The following METTL5 variants were observed in gnomAD, a reference collection of about 807,000 sequenced individuals.
METTL5 encodes the protein rRNA N(6)-adenosine-methyltransferase METTL5.
A neutral mutation model predicts 26.5 loss-of-function variants in METTL5; 28 were observed. That is an observed-to-expected ratio of 1.06 (90% CI 0.78 to 1.45). The LOEUF (loss-of-function observed/expected upper bound fraction) is 1.45. METTL5 is among the 40% of genes most tolerant of loss of function. The pLI is 0.00. For missense variants in METTL5, 231 were observed against 249.9 expected, an observed-to-expected ratio of 0.92 and a Z score of 0.51; for synonymous variants, 86 against 82.6, an observed-to-expected ratio of 1.04 and a Z score of -0.22.
chr2:169,812,258 G>A (rs1010622255), intron 6 of METTL5, 199 bp downstream of exon 6: 3 of 768,932 alleles, frequency 3.9e-6, no homozygotes, highest in South Asian at 3.6e-5. Flanking sequence ...TTTCTTTTTC[G>A]AGACTGAGTC....
At chr2:169,818,816 T>C (rs1266470036) in intron 4 of METTL5, among the ~76,000 whole-genome samples, 1 of 152,180 alleles carries the variant, frequency 6.6e-6, no homozygotes, top group African/African-American at 2.4e-5. Flanking sequence ...GCTTTGTAAA[T>C]ATTAACTCAT....
At chr2:169,820,946 C>T in intron 3 of METTL5, 146 bp downstream of exon 3, 1 of 588,766 alleles carries the variant, frequency 1.7e-6, no homozygotes, top group Non-Finnish European at 2.9e-6. Flanking sequence ...CCCGGGATGG[C>T]TACCAATTCC....
intron 5 of METTL5, among the ~76,000 whole-genome samples, chr2:169,814,829 C>T (rs1317442238): frequency 1.3e-5 from 2 of 151,936 alleles, no homozygotes; most frequent in Non-Finnish European, 2.9e-5. Context: ...CCTGCCTCAG[C>T]CTCCCAAAGT....
chr2:169,816,916 A>G (rs1289169065), intron 4 of METTL5, among the ~76,000 whole-genome samples: 1 of 152,264 alleles, frequency 6.6e-6, no homozygotes, highest in African/African-American at 2.4e-5. Context: ...AAGCAATGGC[A>G]ACAAAGCCAA....
chr2:169,824,469 T>C lies in METTL5; in HGVS notation c.109+20A>G. On this transcript the variant is annotated intron_variant, in intron 1 of 6. Transcript: ENST00000260953. ...TGGACTAACGCCGAAAGCCGGGGCG[T>C]GGTGAACCAGCCGCCCTACCTGCAA... 2 of 1,567,984 alleles carry C rather than the reference T, an allele frequency of 1.3e-6. No homozygotes were observed. Among genetic ancestry groups the C allele is most frequent in the Non-Finnish European group, 1.8e-6 (2 of 1,138,012 alleles).
intron 5 of METTL5, among the ~76,000 whole-genome samples, 193 bp downstream of exon 5, chr2:169,815,284 G>C (rs988954214): frequency 1.1e-4 from 16 of 152,198 alleles, no homozygotes; most frequent in African/African-American, 3.9e-4. Context: ...GAAATTTTCA[G>C]TAAATCGCAT....
chr2:169,824,241 A>G (rs3769768), intron 1 of METTL5: 61,872 of 383,554 alleles, frequency 0.16, 5,678 homozygotes, highest in Admixed American at 0.27. Flanking sequence ...AGAGAAAAAA[A>G]CACATTAAAA....
intron 6 of METTL5, 25 bp downstream of exon 6, chr2:169,812,432 G>T: frequency 6.2e-7 from 1 of 1,613,828 alleles, no homozygotes; most frequent in South Asian, 1.1e-5. Context: ...ACCGAATGTA[G>T]ACCAGCCAAA....
intron 4 of METTL5, 60 bp from the exon 5 acceptor site, chr2:169,815,588 CTTT>C (rs1350504541): frequency 1.6e-6 from 2 of 1,268,754 alleles, no homozygotes; most frequent in African/African-American, 3.0e-5. Context: ...TTTAAAATTG[CTTT>C]TTACTAATAC....
In METTL5 at chr2:169,824,601, G is replaced by A. The variant is rs778306571; in HGVS notation, c.-4C>T. ...CCTTAAGCCTTACTTTCTTCATTTT[G>A]TTTTAAAGTATGGACTCGTAGGGTT... On this transcript the variant is annotated 5_prime_UTR_variant, in exon 1 of 7. Transcript: ENST00000260953. 1.2e-6 allele frequency: 2 copies of A among 1,608,582 alleles called. No individual in the cohort carries two copies. Among genetic ancestry groups the A allele is most frequent in the South Asian group, 2.2e-5 (2 of 90,984 alleles).
At chr2:169,812,363 C>T in intron 6 of METTL5, 94 bp downstream of exon 6, 1 of 1,607,920 alleles carries the variant, frequency 6.2e-7, no homozygotes, top group Non-Finnish European at 8.5e-7. Flanking sequence ...GCCTCAGCCT[C>T]CCGAGTAGCT....
At position 169,821,857 on chromosome 2, in the gene METTL5, G is replaced by A. The variant is rs528805258; in HGVS notation, c.224+86C>T. The A allele has an allele frequency of 1.5e-4, 188 of 1,216,900 alleles. 3 individuals carry two copies. In the South Asian group the frequency reaches 2.3e-3, roughly 15 times the overall value. The allele number at this position is 1,216,900 out of a possible 1,614,324, so 75.4% of individuals were successfully genotyped here. A position where few individuals can be genotyped will look rare whatever the true frequency, so the allele number is the denominator to read the frequency against. On this transcript the variant is annotated intron_variant, in intron 2 of 6. Coordinates refer to ENST00000260953, the MANE Select transcript of METTL5 (RefSeq NM_014168.4). ...TGCTCCCTATATCTCATTCTGTGGA[G>A]TCTCATAAATATAATTCAGTTAATC...
chr2:169,823,840 A>T (rs1031362908), intron 1 of METTL5, among the ~76,000 whole-genome samples: 7 of 151,550 alleles, frequency 4.6e-5, no homozygotes, highest in Admixed American at 1.3e-4. Context: ...TAATAATAAA[A>T]TTTTTTTCCC....
intron 6 of METTL5, chr2:169,812,070 T>A: frequency 1.6e-6 from 1 of 638,868 alleles, no homozygotes. Context: ...AAAAACAGTT[T>A]TTGATTTTTT....
At position 169,814,468 on chromosome 2, in the gene METTL5, C is replaced by CA. The variant is rs572823948; in HGVS notation, c.541+1008dup. On this transcript the variant is annotated intron_variant, in intron 5 of 6. Coordinates refer to ENST00000260953, the MANE Select transcript of METTL5 (RefSeq NM_014168.4). Reference sequence around the variant, plus strand: ...TGGGTAACAGAGCAAGGCTTTGTCTCAAAAAAAAAAAAAGAAAAAAGAAAA... The same window carrying CA: ...TGGGTAACAGAGCAAGGCTTTGTCTCAAAAAAAAAAAAAAGAAAAAAGAAAA... Among the ~76,000 whole-genome samples, 47 of 57,556 alleles carry CA rather than the reference C, an allele frequency of 8.2e-4. 2 individuals are homozygous for CA. The highest frequency in any genetic ancestry group is 1.2e-3 in the Non-Finnish European group (41 of 33,530). 37.8% of individuals were successfully genotyped at this position (57,556 alleles called of 152,430 possible).
intron 2 of METTL5, 88 bp from the exon 3 acceptor site, chr2:169,821,361 A>G: frequency 2.1e-6 from 2 of 968,882 alleles, no homozygotes; most frequent in East Asian, 2.6e-5. Flanking sequence ...TTTTTAAACC[A>G]TATATCTTTT....
At chr2:169,821,861 C>T (rs1166766398) in intron 2 of METTL5, 82 bp downstream of exon 2, 3 of 1,286,532 alleles carry the variant, frequency 2.3e-6, no homozygotes, top group Non-Finnish European at 3.3e-6. Context: ...TGTGGAGTCT[C>T]ATAAATATAA....
At chr2:169,816,201 C>T (rs1332238209) in intron 4 of METTL5, among the ~76,000 whole-genome samples, 2 of 152,076 alleles carry the variant, frequency 1.3e-5, no homozygotes, top group Admixed American at 6.5e-5. Flanking sequence ...AGCCTAGAAA[C>T]CATTTGGCAG....
In METTL5 at chr2:169,814,475, A is replaced by AAAAAAAAAAAAAG. The variant is rs1053940496; in HGVS notation, c.541+1001_541+1002insCTTTTTTTTTTTT. Among the ~76,000 whole-genome samples, 23 of 149,400 alleles carry AAAAAAAAAAAAAG rather than the reference A, an allele frequency of 1.5e-4. No individual in the cohort carries two copies. The South Asian group carries it at 3.6e-3, about 23-fold the overall frequency. On this transcript the variant is annotated intron_variant, in intron 5 of 6. Transcript: ENST00000260953. The stretch of plus-strand genomic sequence containing the variant: ...CAGAGCAAGGCTTTGTCTCAAAAAA[A>AAAAAAAAAAAAAG]AAAAAAGAAAAAAGAAAATGAAATT...
Sources: gnomAD v4.1 joint callset for allele counts (sites outside exome capture counted in the v4.1 genomes callset) on GRCh38, gnomAD v4.1.1 for gene constraint, MANE v1.5 for transcripts, NCBI Gene and HGNC (gene_info 2026-07-23, HGNC 2026-07-21) for gene names.